EHD3: variants seen among roughly 807,000 people sequenced by gnomAD.
EHD3 encodes the protein EH domain containing 3, also known as EH domain-containing protein 3.
Under a neutral mutation model 43.0 loss-of-function variants are expected in EHD3, and 17 were observed. That is an observed-to-expected ratio of 0.40 (90% CI 0.27 to 0.59). EHD3 has a LOEUF of 0.59. Among genes scored for constraint, EHD3 ranks in the 20% least tolerant of loss-of-function variants. The probability of loss-of-function intolerance (pLI) is 0.49; values close to 1 mark genes in which losing one functional copy is unlikely to be tolerated. For missense variants in EHD3, 594 were observed against 705.6 expected (o/e 0.84, Z 1.79); for synonymous variants, 313 against 289.5 (o/e 1.08, Z -0.82).
intron 3 of EHD3, among the ~76,000 whole-genome samples, chr2:31,256,340 G>A (rs760247815): frequency 4.6e-5 from 7 of 152,216 alleles, no homozygotes; most frequent in Non-Finnish European, 8.8e-5. Context: ...CCCTACGACT[G>A]AGTCACTGAT....
At chr2:31,239,953 G>C (rs1056136090) in intron 1 of EHD3, among the ~76,000 whole-genome samples, 3 of 152,286 alleles carry the variant, frequency 2.0e-5, no homozygotes, top group African/African-American at 7.2e-5. Flanking sequence ...CTCTGGGGAC[G>C]GTGCCGGGTA....
chr2:31,247,456 T>A (rs1683549511), intron 2 of EHD3, among the ~76,000 whole-genome samples: 1 of 152,176 alleles, frequency 6.6e-6, no homozygotes, highest in Non-Finnish European at 1.5e-5. Context: ...TCTCTCTAAA[T>A]CTGTGATTTC....
At chr2:31,246,514 T>G (rs969629547) in intron 2 of EHD3, among the ~76,000 whole-genome samples, 1 of 152,170 alleles carries the variant, frequency 6.6e-6, no homozygotes, top group Non-Finnish European at 1.5e-5. Context: ...AGTACAGGTT[T>G]AGTGGTTAAT....
intron 3 of EHD3, 129 bp downstream of exon 3, chr2:31,249,597 G>A (rs1011219491): frequency 3.7e-6 from 3 of 809,006 alleles, no homozygotes; most frequent in South Asian, 1.8e-5. Flanking sequence ...CTCCTGTGCT[G>A]TGTGGGATCA....
At chr2:31,259,589 A>T (rs1683809072) in intron 3 of EHD3, among the ~76,000 whole-genome samples, 1 of 152,196 alleles carries the variant, frequency 6.6e-6, no homozygotes, top group Non-Finnish European at 1.5e-5. Context: ...TCACATCCTA[A>T]GGAAGAAACC....
rs192501231 is a variant in EHD3, at chr2:31,248,896, G to A, written c.405-475G>A. ...AGACCCTTGAAGTCCCTCCTGCCCC[G>A]CTAGTCCCTAGGGGCTCATTTGAAG... On this transcript the variant is annotated intron_variant, in intron 2 of 5. Transcript: ENST00000322054. Among the ~76,000 whole-genome samples, 165 of 152,262 alleles carry A rather than the reference G, an allele frequency of 1.1e-3. No homozygotes were observed. The East Asian group carries it at 0.013, about 12-fold the overall frequency.
At chr2:31,261,818 CGCCCAGAA>C in intron 5 of EHD3, 105 bp downstream of exon 5, 1 of 1,373,124 alleles carries the variant, frequency 7.3e-7, no homozygotes, top group Non-Finnish European at 9.9e-7. Flanking sequence ...GGGAGAACCC[CGCCCAGAA>C]TCTGCAGGCA....
chr2:31,254,887 A>G (rs1683721174), intron 3 of EHD3, among the ~76,000 whole-genome samples: 1 of 152,236 alleles, frequency 6.6e-6, no homozygotes, highest in Non-Finnish European at 1.5e-5. Context: ...TGGGATACAG[A>G]GAATTATGAA....
chr2:31,254,626 T>C (rs78499682), intron 3 of EHD3, among the ~76,000 whole-genome samples: 1 of 152,202 alleles, frequency 6.6e-6, no homozygotes, highest in East Asian at 1.9e-4. Flanking sequence ...TTGACGGAGA[T>C]TTTTTTGGGG....
rs147512206 is a variant in EHD3, at chr2:31,261,593, G to C, written c.960G>C (p.Ser320=). 1 of 1,614,168 alleles carries C rather than the reference G, an allele frequency of 6.2e-7. No individual in the cohort carries two copies. Among genetic ancestry groups the C allele is most frequent in the South Asian group, 1.1e-5 (1 of 91,084 alleles). The change falls in exon 5 of 6, where the codon TCG becomes TCC. Residue 320 remains serine (S), a synonymous_variant. Transcript: ENST00000322054. ...GCTCTCTGAAGAAGGAGATGCCCTC[G>C]GTGTTCGGGAAGGACAACAAGAAGA... ...IISSLKKEMP[S]VFGKDNKKKE...
At chr2:31,243,267 C>T (rs2148716586) in intron 1 of EHD3, among the ~76,000 whole-genome samples, 1 of 152,140 alleles carries the variant, frequency 6.6e-6, no homozygotes, top group East Asian at 1.9e-4. Flanking sequence ...GACGGAATGA[C>T]ACTCCATGTC....
At chr2:31,261,475 G>T in intron 4 of EHD3, 74 bp from the exon 5 acceptor site, 1 of 1,552,970 alleles carries the variant, frequency 6.4e-7, no homozygotes, top group Non-Finnish European at 8.8e-7. Flanking sequence ...AAGGAATGAT[G>T]CAAGAGCCAT....
At chr2:31,249,292 C>A in intron 2 of EHD3, 79 bp from the exon 3 acceptor site, 3 of 1,292,862 alleles carry the variant, frequency 2.3e-6, no homozygotes, top group African/African-American at 1.5e-5. Flanking sequence ...CTGAGAGAGA[C>A]AAGACAGGTG....
In EHD3 at chr2:31,234,384, T is replaced by G; in HGVS notation, c.-238T>G. 1 of 551,282 alleles carries G rather than the reference T, an allele frequency of 1.8e-6. No homozygotes were observed. The highest frequency in any genetic ancestry group is 3.2e-6 in the Non-Finnish European group (1 of 308,202). The allele number at this position is 551,282 out of a possible 1,614,324, so 34.1% of individuals were successfully genotyped here. A position where few individuals can be genotyped will look rare whatever the true frequency, so the allele number is the denominator to read the frequency against. On this transcript the variant is annotated 5_prime_UTR_variant, in exon 1 of 6. The change creates a new upstream start codon in the 5' untranslated region. Coordinates refer to ENST00000322054, the MANE Select transcript of EHD3 (RefSeq NM_014600.3). Reference sequence around the variant, plus strand: ...CCCCTCCTCCTCAAGCCCAGATTATTTATCCTCCCTCCGGCCTGGGCTGCT... The same window carrying G: ...CCCCTCCTCCTCAAGCCCAGATTATGTATCCTCCCTCCGGCCTGGGCTGCT...
At chr2:31,249,586 TCTC>T (rs931712736) in intron 3 of EHD3, 118 bp downstream of exon 3, 22 of 877,612 alleles carry the variant, frequency 2.5e-5, no homozygotes, top group African/African-American at 1.8e-4. Context: ...AGCCGGCACT[TCTC>T]CTGTGCTGTG....
At chr2:31,249,342 A>G (rs372628037) in intron 2 of EHD3, 29 bp from the exon 3 acceptor site, 6 of 1,606,648 alleles carry the variant, frequency 3.7e-6, no homozygotes, top group Non-Finnish European at 4.3e-6. Flanking sequence ...GTGGGCGAGT[A>G]CTCACCCAGG....
In EHD3 at chr2:31,268,102, G is replaced by C. The variant is rs905358665; in HGVS notation, c.*1398G>C. 1.3e-5 allele frequency: 2 copies of C among 152,604 alleles called. No individual in the cohort carries two copies. The highest frequency in any genetic ancestry group is 4.8e-5 in the African/African-American group (2 of 41,426). The allele number at this position is 152,604 out of a possible 1,614,324, so 9.5% of individuals were successfully genotyped here. A position where few individuals can be genotyped will look rare whatever the true frequency, so the allele number is the denominator to read the frequency against. ...AGAAGGCTAACTTGAGAGGTTTGGG[G>C]CCTTGTTCCCCAGAGGGTCCCCAGG... On this transcript the variant is annotated 3_prime_UTR_variant, in exon 6 of 6. Coordinates refer to ENST00000322054, the MANE Select transcript of EHD3 (RefSeq NM_014600.3).
At chr2:31,246,540 T>TACACTTATAA (rs1683528033) in intron 2 of EHD3, among the ~76,000 whole-genome samples, 1 of 152,144 alleles carries the variant, frequency 6.6e-6, no homozygotes, top group Non-Finnish European at 1.5e-5. Context: ...TTTGGGATAA[T>TACACTTATAA]TGTGCTTATA....
intron 2 of EHD3, among the ~76,000 whole-genome samples, chr2:31,248,035 T>C (rs971590261): frequency 6.6e-6 from 1 of 152,168 alleles, no homozygotes; most frequent in African/African-American, 2.4e-5. Context: ...GCATGTCCAT[T>C]GAAACGACAA....
Sources: gnomAD v4.1 joint callset for allele counts (sites outside exome capture counted in the v4.1 genomes callset) on GRCh38, gnomAD v4.1.1 for gene constraint, MANE v1.5 for transcripts, NCBI Gene and HGNC (gene_info 2026-07-23, HGNC 2026-07-21) for gene names.